Variants in BTNL9 observed in about 807,000 individuals in gnomAD.
BTNL9 encodes butyrophilin-like protein 9.
A neutral mutation model predicts 45.8 loss-of-function variants in BTNL9; 45 were observed. The observed-to-expected ratio is 0.98, with a 90% CI of 0.77 to 1.26. The LOEUF (loss-of-function observed/expected upper bound fraction) is 1.26, where lower values mean the gene tolerates loss of function less well. Among genes scored for constraint, BTNL9 ranks in the 50% most tolerant of loss-of-function variants. The pLI is 0.00. For synonymous variants in BTNL9, 346 were observed against 330.8 expected (o/e 1.05, Z -0.50); for missense variants, 784 against 729.7 (o/e 1.07, Z -0.86).
At position 181,057,461 on chromosome 5, in the gene BTNL9, A is replaced by C. The variant is rs1761941422; in HGVS notation, c.956-891A>C. On this transcript the variant is annotated intron_variant, in intron 9 of 10. Coordinates refer to ENST00000327705, the MANE Select transcript of BTNL9 (RefSeq NM_152547.5). Reference sequence around the variant, plus strand: ...TGATGTGGGGAACCACCTTTGATGCATATTGGATTCCCATCTCTATATGAG... The same window carrying C: ...TGATGTGGGGAACCACCTTTGATGCCTATTGGATTCCCATCTCTATATGAG... Among the ~76,000 whole-genome samples, 3 of 152,214 alleles carry C rather than the reference A, an allele frequency of 2.0e-5. No homozygotes were observed. In the South Asian group the frequency reaches 6.2e-4, roughly 31 times the overall value.
In BTNL9 at chr5:181,050,502, A is replaced by G; in HGVS notation, c.736+133A>G. 2.7e-6 allele frequency: 3 copies of G among 1,094,830 alleles called. No homozygotes were observed. 67.8% of individuals were successfully genotyped at this position (1,094,830 alleles called of 1,614,324 possible). A position where few individuals can be genotyped will look rare whatever the true frequency, so the allele number is the denominator to read the frequency against. On this transcript the variant is annotated intron_variant, in intron 4 of 10. Transcript: ENST00000327705. The surrounding 1 kb of genome is among the most constrained non-coding windows in gnomAD (Gnocchi z 4.9). ...AGGGTGTGTTGGCCTTGACACCTGA[A>G]AAGTCAGCACCTTGGATATTAGGAA...
intron 9 of BTNL9, among the ~76,000 whole-genome samples, chr5:181,058,044 T>A (rs1761971582): frequency 6.6e-6 from 1 of 152,178 alleles, no homozygotes. Context: ...TCCACTTCTG[T>A]CTCTCAGGGC....
rs1762123672 is a variant in BTNL9, at chr5:181,061,176, T to G, written c.*1314T>G. Reference sequence around the variant, plus strand: ...AGTTTTTAGATATTAATTACCACAGTGTCTGCCACTGAATTTCCAGTGACT... The same window carrying G: ...AGTTTTTAGATATTAATTACCACAGGGTCTGCCACTGAATTTCCAGTGACT... On this transcript the variant is annotated 3_prime_UTR_variant, in exon 11 of 11. Coordinates refer to ENST00000327705, the MANE Select transcript of BTNL9 (RefSeq NM_152547.5). The G allele has an allele frequency of 6.6e-6, 1 of 152,234 alleles. No individual in the cohort carries two copies. The highest frequency in any genetic ancestry group is 2.1e-4 in the South Asian group (1 of 4,826). The allele number at this position is 152,234 out of a possible 1,614,324, so 9.4% of individuals were successfully genotyped here. A position where few individuals can be genotyped will look rare whatever the true frequency, so the allele number is the denominator to read the frequency against.
rs1400868745 is a variant in BTNL9 at position 181,054,317 on chromosome 5, A to G, written c.907+58A>G. 8.1e-6 allele frequency: 13 copies of G among 1,599,610 alleles called. No individual in the cohort carries two copies. The African/African-American group carries it at 1.2e-4, about 15-fold the overall frequency. ...TGTCAGCCGGACCCTGTGCCTGTGC[A>G]GTGGGAGGAGGGGCTCCCTTTGGAC... On this transcript the variant is annotated intron_variant, in intron 7 of 10. Coordinates refer to ENST00000327705, the MANE Select transcript of BTNL9 (RefSeq NM_152547.5).
chr5:181,054,423 G>C lies in BTNL9; in HGVS notation c.907+164G>C, dbSNP rs551599642. The C allele has an allele frequency of 8.1e-6, 8 of 985,384 alleles. No homozygotes were observed. In the Admixed American group the frequency reaches 4.9e-4, roughly 61 times the overall value. 61.0% of individuals were successfully genotyped at this position (985,384 alleles called of 1,614,324 possible). ...TTGCTAAGGGGCTGAAAGGATGGCTGCCTGCCACCGTGCAGCTGCCCGAGA... is the reference window on the plus strand; with the variant it reads ...TTGCTAAGGGGCTGAAAGGATGGCTCCCTGCCACCGTGCAGCTGCCCGAGA... On this transcript the variant is annotated intron_variant, in intron 7 of 10. Coordinates refer to ENST00000327705, the MANE Select transcript of BTNL9 (RefSeq NM_152547.5).
rs957262349 is a variant in BTNL9 at position 181,059,104 on chromosome 5, G to C, written c.983-133G>C. On this transcript the variant is annotated intron_variant, in intron 10 of 10. Transcript: ENST00000327705. Reference sequence around the variant, plus strand: ...AGTCCTGGGGAGGGGGTTTGCAGGGGTGAGGGTCGGGGTAAGGGGTTCATT... The same window carrying C: ...AGTCCTGGGGAGGGGGTTTGCAGGGCTGAGGGTCGGGGTAAGGGGTTCATT... The C allele has an allele frequency of 1.3e-5, 18 of 1,378,884 alleles. No individual in the cohort carries two copies. In the East Asian group the frequency reaches 5.3e-4, roughly 40 times the overall value. 85.4% of individuals were successfully genotyped at this position (1,378,884 alleles called of 1,614,324 possible).
chr5:181,056,632 C>T (rs1761898512), intron 9 of BTNL9: 3 of 717,198 alleles, frequency 4.2e-6, no homozygotes, highest in Middle Eastern at 4.6e-4. Context: ...AAACGTGTTG[C>T]CTTACGGCGC....
chr5:181,060,842 ACC>A lies in BTNL9; in HGVS notation c.*984_*985del, dbSNP rs1762113606. The A allele has an allele frequency of 1.3e-5, 2 of 152,202 alleles. No individual in the cohort carries two copies. Among genetic ancestry groups the A allele is most frequent in the Non-Finnish European group, 2.9e-5 (2 of 68,066 alleles). The allele number at this position is 152,202 out of a possible 1,614,324, so 9.4% of individuals were successfully genotyped here. ...ACAACTGGGGAAAGAAGTGTTCTTC[ACC>A]CCCTACCCCCAAGACATTGTCTCTG... On this transcript the variant is annotated 3_prime_UTR_variant, in exon 11 of 11. Coordinates refer to ENST00000327705, the MANE Select transcript of BTNL9 (RefSeq NM_152547.5).
rs1761773591 is a variant in BTNL9, at chr5:181,054,511, A to G, written c.907+252A>G. 5.1e-6 allele frequency: 5 copies of G among 985,334 alleles called. No individual in the cohort carries two copies. In the South Asian group the frequency reaches 2.3e-4, roughly 46 times the overall value. The allele number at this position is 985,334 out of a possible 1,614,324, so 61.0% of individuals were successfully genotyped here. ...TTAGACAATTCAGTTAAAATTCATC[A>G]TAAAACGTTTACTGTCTCCGGTTCA... On this transcript the variant is annotated intron_variant, in intron 7 of 10. Transcript: ENST00000327705.
At chr5:181,049,107 T>C (rs1479991778) in intron 3 of BTNL9, among the ~76,000 whole-genome samples, 1 of 151,698 alleles carries the variant, frequency 6.6e-6, no homozygotes, top group Non-Finnish European at 1.5e-5. Flanking sequence ...TCTTATACTA[T>C]GTTAGTGGAA....
chr5:181,048,389 G>T, intron 3 of BTNL9, 118 bp downstream of exon 3: 1 of 905,166 alleles, frequency 1.1e-6, no homozygotes, highest in Non-Finnish European at 1.6e-6. Context: ...CATAAAAGCT[G>T]ATGGATAGGT....
chr5:181,045,645 C>T, intron 2 of BTNL9, 47 bp downstream of exon 2: 2 of 1,453,684 alleles, frequency 1.4e-6, no homozygotes, highest in Middle Eastern at 1.7e-4. Flanking sequence ...CGCCACCCCT[C>T]CTGCCAGGTG....
chr5:181,059,479 G>A lies in BTNL9; in HGVS notation c.1225G>A (p.Gly409Arg). Residue 409 changes from glycine to arginine, a missense_variant, in exon 11 of 11, where the codon GGG becomes AGG. Coordinates refer to ENST00000327705, the MANE Select transcript of BTNL9 (RefSeq NM_152547.5). ...CTGCCTGGCCGCGGTGCCGCGCGCGGGGCCTGCGCGCCTGAGCCCTGCGGC... is the reference window on the plus strand; with the variant it reads ...CTGCCTGGCCGCGGTGCCGCGCGCGAGGCCTGCGCGCCTGAGCCCTGCGGC... ...GACLAAVPRA[G>R]PARLSPAAGY... is the part of the protein sequence containing the mutation. 1 of 1,468,854 alleles carries A rather than the reference G, an allele frequency of 6.8e-7. No homozygotes were observed. The highest frequency in any genetic ancestry group is 9.0e-7 in the Non-Finnish European group (1 of 1,117,076). The allele number at this position is 1,468,854 out of a possible 1,614,324, so 91.0% of individuals were successfully genotyped here.
chr5:181,047,276 AG>A (rs1761236322), intron 2 of BTNL9, among the ~76,000 whole-genome samples: 1 of 152,174 alleles, frequency 6.6e-6, no homozygotes, highest in African/African-American at 2.4e-5. Flanking sequence ...GCCGTCAAAG[AG>A]GAGGGTGATC....
At chr5:181,049,983 TTCA>T (rs750454351) in intron 3 of BTNL9, 102 bp from the exon 4 acceptor site, 2 of 1,418,208 alleles carry the variant, frequency 1.4e-6, no homozygotes, top group Non-Finnish European at 1.9e-6. Context: ...GCAGTCACAC[TTCA>T]TGATGCTTTA....
chr5:181,047,787 C>G, intron 2 of BTNL9, 140 bp from the exon 3 acceptor site: 2 of 821,060 alleles, frequency 2.4e-6, no homozygotes, highest in Non-Finnish European at 3.7e-6. Flanking sequence ...GTTCAAGGAT[C>G]TAGGCCAGTT....
intron 7 of BTNL9, chr5:181,054,645 A>G (rs927005682): frequency 1.0e-6 from 1 of 985,382 alleles, no homozygotes. Flanking sequence ...TTCTCCCCAG[A>G]GGGACTCAGA....
rs1761819439 is a variant in BTNL9, at chr5:181,055,294, A to C, written c.908-139A>C. 2.6e-6 allele frequency: 4 copies of C among 1,553,464 alleles called. No individual in the cohort carries two copies. Among genetic ancestry groups the C allele is most frequent in the Non-Finnish European group, 3.5e-6 (4 of 1,154,916 alleles). ...TTTTGAGGGCAATGAAGGGGCAAAG[A>C]GGAAGCTGTAAAAAAAAAAAAATGA... On this transcript the variant is annotated intron_variant, in intron 7 of 10. Coordinates refer to ENST00000327705, the MANE Select transcript of BTNL9 (RefSeq NM_152547.5). The surrounding 1 kb of genome is among the most constrained non-coding windows in gnomAD (Gnocchi z 4.4).
intron 2 of BTNL9, among the ~76,000 whole-genome samples, chr5:181,046,420 G>A (rs1294213618): frequency 1.3e-5 from 2 of 152,112 alleles, no homozygotes; most frequent in Non-Finnish European, 2.9e-5. Context: ...GAAACTCACT[G>A]GCCTGTGTTT....
Sources: allele counts gnomAD v4.1 joint callset (sites outside exome capture counted in the v4.1 genomes callset), GRCh38; gene constraint gnomAD v4.1.1; non-coding constraint Gnocchi (gnomAD v3.1); transcripts MANE v1.5; gene names NCBI Gene and HGNC (gene_info 2026-07-23, HGNC 2026-07-21).